Variants in ZMYM4 observed in about 807,000 individuals in gnomAD.
The protein encoded by ZMYM4 is zinc finger MYM-type protein 4.
A neutral mutation model predicts 183.2 loss-of-function variants in ZMYM4; 31 were observed. The ratio of observed to expected loss-of-function variants is 0.17; its 90% confidence interval spans 0.13 to 0.23. The LOEUF (loss-of-function observed/expected upper bound fraction) is 0.23. Ranked by LOEUF, ZMYM4 falls within the 10% of genes least tolerant of loss-of-function variation. The probability of loss-of-function intolerance (pLI) is 1.00; values close to 1 mark genes in which losing one functional copy is unlikely to be tolerated. For missense variants in ZMYM4, 1,273 were observed against 1,840.3 expected (o/e 0.69, Z 5.64); for synonymous variants, 592 against 631.2 (o/e 0.94, Z 0.93).
At chr1:35,358,505 G>C (rs1643878007) in intron 2 of ZMYM4, among the ~76,000 whole-genome samples, 1 of 152,010 alleles carries the variant, frequency 6.6e-6, no homozygotes, top group Non-Finnish European at 1.5e-5. Context: ...CATTGTGTTA[G>C]TAGGTCTTTT....
At chr1:35,410,760 C>T (rs1639857311) in intron 26 of ZMYM4, among the ~76,000 whole-genome samples, 1 of 151,670 alleles carries the variant, frequency 6.6e-6, no homozygotes, top group African/African-American at 2.4e-5. Flanking sequence ...AATGTGCTGG[C>T]TTTACTGGCA....
At chr1:35,396,457 A>G in intron 18 of ZMYM4, 95 bp from the exon 19 acceptor site, 2 of 1,522,620 alleles carry the variant, frequency 1.3e-6, no homozygotes, top group Non-Finnish European at 1.8e-6. Flanking sequence ...TCTTATTTTG[A>G]ACTATAAACC....
At chr1:35,337,943 A>G (rs1227458408) in intron 2 of ZMYM4, among the ~76,000 whole-genome samples, 3 of 152,190 alleles carry the variant, frequency 2.0e-5, no homozygotes, top group Non-Finnish European at 2.9e-5. Context: ...CATCTCAAAA[A>G]TAAAATAAAA....
intron 26 of ZMYM4, among the ~76,000 whole-genome samples, chr1:35,411,936 G>C (rs1222606820): frequency 6.6e-6 from 1 of 152,134 alleles, no homozygotes; most frequent in Non-Finnish European, 1.5e-5. Context: ...AGGCTGGAGT[G>C]CAGTGGCACA....
chr1:35,288,342 G>A (rs532919204), intron 1 of ZMYM4, among the ~76,000 whole-genome samples: 32 of 152,246 alleles, frequency 2.1e-4, no homozygotes, highest in African/African-American at 7.5e-4. Flanking sequence ...TAACAAGTTG[G>A]CTCCCTTATT....
At chr1:35,374,291 C>T (rs1470036308) in intron 7 of ZMYM4, among the ~76,000 whole-genome samples, 1 of 151,940 alleles carries the variant, frequency 6.6e-6, no homozygotes, top group Non-Finnish European at 1.5e-5. Context: ...GCCTTGGCCT[C>T]CCAAAGTGCT....
chr1:35,365,244 T>G (rs77831971), intron 5 of ZMYM4, among the ~76,000 whole-genome samples: 1 of 148,896 alleles, frequency 6.7e-6, no homozygotes, highest in Admixed American at 6.6e-5. Flanking sequence ...AAAGTCTTTT[T>G]TTTTTTTTTT....
At chr1:35,352,277 A>ATG (rs1643647802) in intron 2 of ZMYM4, among the ~76,000 whole-genome samples, 1 of 112,688 alleles carries the variant, frequency 8.9e-6, no homozygotes, top group Non-Finnish European at 1.7e-5. Context: ...GCGCACACAC[A>ATG]CACACACACA....
chr1:35,381,905 G>A, intron 9 of ZMYM4, 147 bp downstream of exon 9: 1 of 997,988 alleles, frequency 1.0e-6, no homozygotes, highest in Non-Finnish European at 1.4e-6. Context: ...AGCACTTTGG[G>A]AGGCTGAGGC....
chr1:35,278,409 A>G (rs999056864), intron 1 of ZMYM4, among the ~76,000 whole-genome samples: 59 of 148,958 alleles, frequency 4.0e-4, no homozygotes, highest in Non-Finnish European at 8.1e-4. Flanking sequence ...GTCTCGACCT[A>G]TTACAGCATG....
chr1:35,399,501 T>A lies in ZMYM4; in HGVS notation c.3453T>A (p.Asn1151Lys). The A allele has an allele frequency of 6.2e-7, 1 of 1,614,118 alleles. No homozygotes were observed. Among genetic ancestry groups the A allele is most frequent in the Non-Finnish European group, 8.5e-7 (1 of 1,180,008 alleles). Reference protein sequence around the residue: ...DFPSDSFDPLNKGQGIQARSR... With the variant: ...DFPSDSFDPLKKGQGIQARSR... ...TTATAGACTCCTTTGACCCACTTAATAAAGGACAGGGAATCCAGGCACGTT... is the reference window on the plus strand; with the variant it reads ...TTATAGACTCCTTTGACCCACTTAAAAAAGGACAGGGAATCCAGGCACGTT... The change falls in exon 23 of 30, where the codon AAT (asparagine) becomes AAA (lysine). Residue 1151 changes from asparagine (N) to lysine (K), a missense_variant. Physicochemically the swap from Asn to Lys is moderately conservative, Grantham distance 94. This residue lies in a region of ZMYM4 where 133 missense variants were observed against 155.7 expected (regional missense o/e 0.85). Coordinates refer to ENST00000314607, the MANE Select transcript of ZMYM4 (RefSeq NM_005095.3).
rs980913228 is a variant in ZMYM4, at chr1:35,333,833, T to A, written c.85+8428T>A. 3.3e-5 allele frequency among the ~76,000 whole-genome samples: 5 copies of A among 152,244 alleles called. No homozygotes were observed. The South Asian group carries it at 1.0e-3, about 32-fold the overall frequency. On this transcript the variant is annotated intron_variant, in intron 2 of 29. Coordinates refer to ENST00000314607, the MANE Select transcript of ZMYM4 (RefSeq NM_005095.3). The stretch of plus-strand genomic sequence containing the variant: ...GTCTTGAGTACTTCATAAAACCCCT[T>A]CACCTCAACTGGAATAGCTCTCTAT...
chr1:35,409,654 A>C (rs1484092198), intron 26 of ZMYM4, among the ~76,000 whole-genome samples: 1 of 152,056 alleles, frequency 6.6e-6, no homozygotes, highest in Admixed American at 6.6e-5. Context: ...TTATAAAGAA[A>C]TTCTTGGCTG....
chr1:35,341,153 T>G (rs1643186789), intron 2 of ZMYM4, among the ~76,000 whole-genome samples: 1 of 152,194 alleles, frequency 6.6e-6, no homozygotes, highest in Non-Finnish European at 1.5e-5. Flanking sequence ...AATTACTGTG[T>G]ATTTATTGGC....
intron 1 of ZMYM4, among the ~76,000 whole-genome samples, chr1:35,293,361 T>C (rs559675360): frequency 6.6e-6 from 1 of 152,244 alleles, no homozygotes; most frequent in East Asian, 1.9e-4. Flanking sequence ...TCACCGAGGC[T>C]GGAGTGTAGT....
chr1:35,387,725 C>A, intron 13 of ZMYM4, 121 bp downstream of exon 13: 1 of 1,020,780 alleles, frequency 9.8e-7, no homozygotes, highest in Non-Finnish European at 1.4e-6. Context: ...ACGTAAATGC[C>A]TTTTCGATTC....
chr1:35,293,003 C>CTT (rs765800733), intron 1 of ZMYM4, among the ~76,000 whole-genome samples: 2 of 59,776 alleles, frequency 3.3e-5, no homozygotes, highest in African/African-American at 4.9e-5. Flanking sequence ...ATACCATTAA[C>CTT]ATTTTTTTTT....
intron 26 of ZMYM4, among the ~76,000 whole-genome samples, chr1:35,412,161 G>A (rs991148752): frequency 1.2e-4 from 18 of 151,394 alleles, no homozygotes; most frequent in East Asian, 5.8e-4. Flanking sequence ...TTACAGGCAT[G>A]AGCCACCGCA....
intron 25 of ZMYM4, 52 bp downstream of exon 25, chr1:35,405,520 G>T: frequency 7.4e-7 from 1 of 1,346,388 alleles, no homozygotes; most frequent in South Asian, 1.4e-5. Context: ...TATTATTGCG[G>T]ATTTAAATTT....
Sources: gnomAD v4.1 joint callset for allele counts (sites outside exome capture counted in the v4.1 genomes callset) on GRCh38, gnomAD v4.1.1 for gene constraint, gnomAD v4.1.1 regional missense constraint, MANE v1.5 for transcripts, NCBI Gene and HGNC (gene_info 2026-07-23, HGNC 2026-07-21) for gene names.